Variants in CPS1 observed in about 807,000 individuals in gnomAD.
The protein encoded by CPS1 is carbamoyl-phosphate synthase 1.
A neutral mutation model predicts 174.6 loss-of-function variants in CPS1; 109 were observed. That is an observed-to-expected ratio of 0.62 (90% CI 0.53 to 0.73). The LOEUF is 0.73. Ranked by LOEUF, CPS1 falls within the 30% of genes least tolerant of loss-of-function variation. CPS1 has a pLI of 0.00. For synonymous variants in CPS1, 637 were observed against 632.0 expected (o/e 1.01, Z -0.12); for missense variants, 1,689 against 1,821.9 (o/e 0.93, Z 1.33).
intron 1 of CPS1, among the ~76,000 whole-genome samples, chr2:210,545,443 G>A (rs1422553625): frequency 6.6e-6 from 1 of 151,872 alleles, no homozygotes; most frequent in South Asian, 2.1e-4. Flanking sequence ...TAATTATATT[G>A]TGGCATTCTT....
At chr2:210,554,055 C>T (rs932678769), upstream of CPS1, among the ~76,000 whole-genome samples, 3 of 147,824 alleles carry the variant, frequency 2.0e-5, no homozygotes, top group African/African-American at 7.5e-5. Context: ...AGACATGGAC[C>T]ATAAAATATA....
At chr2:210,633,365 C>G (rs553940589) in intron 21 of CPS1, among the ~76,000 whole-genome samples, 30 of 151,984 alleles carry the variant, frequency 2.0e-4, no homozygotes, top group Non-Finnish European at 2.2e-4. Context: ...TTTCTCTCTT[C>G]TTTCTCGTTC....
At chr2:210,545,691 C>A (rs1019109063) in intron 1 of CPS1, among the ~76,000 whole-genome samples, 4 of 151,996 alleles carry the variant, frequency 2.6e-5, no homozygotes, top group Non-Finnish European at 5.9e-5. Context: ...TGAGATTTCA[C>A]AATTTATACC....
rs767611745 is a variant in CPS1 at position 210,654,124 on chromosome 2, C to T, written c.3558+22C>T. The stretch of plus-strand genomic sequence containing the variant: ...AAGGGTAAGTGCTTTATTCTCATCT[C>T]CTTCATTCCTGCCTTCTCATCATTT... On this transcript the variant is annotated intron_variant, in intron 29 of 37. Transcript: ENST00000233072. 5 of 1,593,524 alleles carry T rather than the reference C, an allele frequency of 3.1e-6. No individual in the cohort carries two copies. In the Admixed American group the frequency reaches 6.7e-5, roughly 21 times the overall value.
At chr2:210,567,322 A>G (rs1697335682) in intron 1 of CPS1, among the ~76,000 whole-genome samples, 1 of 152,154 alleles carries the variant, frequency 6.6e-6, no homozygotes, top group Non-Finnish European at 1.5e-5. Flanking sequence ...TTATACATAG[A>G]TCTCAACAAC....
intron 30 of CPS1, among the ~76,000 whole-genome samples, chr2:210,657,191 G>A (rs1700738708): frequency 6.6e-6 from 1 of 151,994 alleles, no homozygotes; most frequent in African/African-American, 2.4e-5. Context: ...CCTCCAAACA[G>A]CACTTTTTGA....
intron 11 of CPS1, 33 bp downstream of exon 11, chr2:210,592,989 CA>C (rs546490415): frequency 4.6e-3 from 6,273 of 1,352,256 alleles, no homozygotes; most frequent in Non-Finnish European, 5.3e-3. Flanking sequence ...ATTATGTATG[CA>C]AAAAAAAAAT....
At chr2:210,568,216 A>G (rs1697363456) in intron 1 of CPS1, among the ~76,000 whole-genome samples, 1 of 151,990 alleles carries the variant, frequency 6.6e-6, no homozygotes, top group Non-Finnish European at 1.5e-5. Context: ...CACCATGGGT[A>G]CTAGGAAGCA....
At position 210,510,338 on chromosome 2, in the gene CPS1, A is replaced by C. The variant is rs1166295351; in HGVS notation, c.3+32572A>C. Among the ~76,000 whole-genome samples the C allele has an allele frequency of 3.3e-5, 5 of 152,344 alleles. No homozygotes were observed. The South Asian group carries it at 6.2e-4, about 19-fold the overall frequency. ...CTGGCTAGCCATATGTAGAAAGCTG[A>C]AACTGGATCCCTTCCTTACACCTTA... On this transcript the variant is annotated intron_variant, in intron 1 of 38. Coordinates refer to the CPS1 transcript ENST00000430249.
chr2:210,509,909 C>T (rs996365168), intron 1 of CPS1, among the ~76,000 whole-genome samples: 1 of 152,172 alleles, frequency 6.6e-6, no homozygotes, highest in Non-Finnish European at 1.5e-5. Flanking sequence ...ATTCCATGCT[C>T]ATGGGTAGGA....
At chr2:210,546,706 T>G (rs1696573813) in intron 1 of CPS1, among the ~76,000 whole-genome samples, 1 of 152,134 alleles carries the variant, frequency 6.6e-6, no homozygotes, top group African/African-American at 2.4e-5. Flanking sequence ...TCTCTGTCAA[T>G]GCCATTTAAT....
intron 1 of CPS1, 54 bp downstream of exon 1, chr2:210,556,913 G>T: frequency 6.3e-7 from 1 of 1,588,964 alleles, no homozygotes; most frequent in Non-Finnish European, 8.6e-7. Flanking sequence ...TAGTTTAGCA[G>T]TGAAGCAAAG....
At chr2:210,638,083 T>C (rs1700093376) in intron 22 of CPS1, among the ~76,000 whole-genome samples, 1 of 152,232 alleles carries the variant, frequency 6.6e-6, no homozygotes, top group South Asian at 2.1e-4. Flanking sequence ...CCTGATTTTC[T>C]TGGCCTAACT....
chr2:210,590,151 A>T lies in CPS1; in HGVS notation c.757A>T (p.Lys253Ter). 1 of 1,612,852 alleles carries T rather than the reference A, an allele frequency of 6.2e-7. No individual in the cohort carries two copies. The highest frequency in any genetic ancestry group is 8.5e-7 in the Non-Finnish European group (1 of 1,179,160). ...HLVPWNHDFT[K>*]MEYDGILIAG... ...AGTTCCCTGGAACCATGATTTCACCAAGATGGAGTATGATGGGATTTTGAT... is the reference window on the plus strand; with the variant it reads ...AGTTCCCTGGAACCATGATTTCACCTAGATGGAGTATGATGGGATTTTGAT... Residue 253 changes from lysine to a stop codon, truncating the protein, a stop_gained, in exon 8 of 38, where the codon AAG (lysine) becomes TAG (stop). Coordinates refer to ENST00000233072, the MANE Select transcript of CPS1 (RefSeq NM_001875.5). LOFTEE classifies it high-confidence loss of function.
intron 1 of CPS1, among the ~76,000 whole-genome samples, chr2:210,485,246 T>TAAAAATA (rs3036510): frequency 0.2 from 29,588 of 146,532 alleles, 3,444 homozygotes; most frequent in Middle Eastern, 0.33. Flanking sequence ...AAAAAAAAAA[T>TAAAAATA]AAAATAAAAA....
rs1031138040 is a variant in CPS1 at position 210,669,248 on chromosome 2, A to G, written c.4101+964A>G. Among the ~76,000 whole-genome samples the G allele has an allele frequency of 3.3e-5, 5 of 152,128 alleles. No homozygotes were observed. The East Asian group carries it at 9.6e-4, about 29-fold the overall frequency. ...TTTATTACTATTCAGAACTACTTTT[A>G]TTACTATTACTAATTGCAAGAGTGT... On this transcript the variant is annotated intron_variant, in intron 34 of 37. Transcript: ENST00000233072.
At chr2:210,593,224 A>T in intron 11 of CPS1, 1 of 656,052 alleles carries the variant, frequency 1.5e-6, no homozygotes, top group Non-Finnish European at 2.4e-6. Flanking sequence ...TAATATATTT[A>T]GTTCTGAAAT....
Position 210,606,879 on chromosome 2 carries a change from C to G in CPS1, c.2130C>G (p.Tyr710Ter). ...CCCTTCATCCTACCTCAATGGAATACTGCATCATTGAAGTGAATGCCAGAC... is the reference window on the plus strand; with the variant it reads ...CCCTTCATCCTACCTCAATGGAATAGTGCATCATTGAAGTGAATGCCAGAC... ...QFALHPTSME[Y>*]CIIEVNARLS... The change falls in exon 18 of 38, where the codon TAC becomes TAG. Residue 710 changes from tyrosine to a stop codon, truncating the protein, a stop_gained. Transcript: ENST00000233072. LOFTEE classifies it high-confidence loss of function. 1 of 1,612,638 alleles carries G rather than the reference C, an allele frequency of 6.2e-7. No individual in the cohort carries two copies. Among genetic ancestry groups the G allele is most frequent in the Non-Finnish European group, 8.5e-7 (1 of 1,179,092 alleles).
chr2:210,665,172 C>A (rs904773584), intron 33 of CPS1, among the ~76,000 whole-genome samples: 4 of 152,178 alleles, frequency 2.6e-5, no homozygotes, highest in African/African-American at 9.7e-5. Context: ...CAGTACTTGA[C>A]TGAGTAAAAT....
Sources: gnomAD v4.1 joint callset for allele counts (sites outside exome capture counted in the v4.1 genomes callset) on GRCh38, gnomAD v4.1.1 for gene constraint, MANE v1.5 for transcripts, NCBI Gene and HGNC (gene_info 2026-07-23, HGNC 2026-07-21) for gene names.